The following CCDC181 variants were observed in gnomAD, a reference collection of about 807,000 sequenced individuals.
CCDC181 encodes coiled-coil domain containing 181.
A neutral mutation model predicts 58.7 loss-of-function variants in CCDC181; 35 were observed. The ratio of observed to expected loss-of-function variants is 0.60; its 90% CI spans 0.46 to 0.79. The LOEUF is 0.79. Ranked by LOEUF, CCDC181 falls within the 30% of genes least tolerant of loss-of-function variation. The pLI, the probability that CCDC181 is intolerant of heterozygous loss-of-function variation, is 0.00. For missense variants in CCDC181, 517 were observed against 583.9 expected (o/e 0.89, Z 1.18); for synonymous variants, 183 against 197.5 (o/e 0.93, Z 0.62).
intron 2 of CCDC181, among the ~76,000 whole-genome samples, chr1:169,423,490 A>T (rs938450769): frequency 6.6e-6 from 1 of 151,784 alleles, no homozygotes; most frequent in African/African-American, 2.4e-5. Context: ...TGACCCTCTT[A>T]TGTGTCTCTA....
intron 1 of CCDC181, chr1:169,459,905 G>GAAAAAACAAAAAAAAAAAA (rs1553210867): frequency 1.3e-5 from 1 of 75,184 alleles, no homozygotes; most frequent in Admixed American, 1.6e-4. Flanking sequence ...TTGAAATTAG[G>GAAAAAACAAAAAAAAAAAA]AAAAAAAAAA....
chr1:169,400,724 C>G (rs570953991), intron 4 of CCDC181, among the ~76,000 whole-genome samples: 36 of 152,220 alleles, frequency 2.4e-4, no homozygotes, highest in African/African-American at 8.2e-4. Flanking sequence ...AGGAACAGCT[C>G]CAGTCTATAG....
chr1:169,420,399 T>C (rs79100880), intron 3 of CCDC181, among the ~76,000 whole-genome samples: 1 of 37,744 alleles, frequency 2.6e-5, no homozygotes, highest in Non-Finnish European at 7.0e-5. Context: ...ATGTTTCACT[T>C]TTTTTTTTTT....
upstream of CCDC181, among the ~76,000 whole-genome samples, chr1:169,429,476 A>AT (rs957317171): frequency 5.3e-5 from 8 of 151,676 alleles, no homozygotes; most frequent in South Asian, 6.3e-4. Flanking sequence ...TGTTTTTTTT[A>AT]TTTTTTGCTT....
chr1:169,428,045 G>A (rs1656790878), upstream of CCDC181, among the ~76,000 whole-genome samples: 1 of 152,128 alleles, frequency 6.6e-6, no homozygotes, highest in Non-Finnish European at 1.5e-5. Context: ...ACTGGGAGAA[G>A]TAAAAATATT....
upstream of CCDC181, among the ~76,000 whole-genome samples, chr1:169,428,108 G>T (rs1000790923): frequency 6.6e-6 from 1 of 152,096 alleles, no homozygotes; most frequent in African/African-American, 2.4e-5. Context: ...TTATTATTAG[G>T]ATTTCTATCA....
intron 2 of CCDC181, among the ~76,000 whole-genome samples, chr1:169,449,294 G>A (rs868601835): frequency 6.6e-6 from 1 of 152,250 alleles, no homozygotes; most frequent in Non-Finnish European, 1.5e-5. Context: ...TTTTAATATG[G>A]CTAGGAGGTG....
chr1:169,455,343 T>C (rs895673084), intron 2 of CCDC181, among the ~76,000 whole-genome samples: 2 of 152,058 alleles, frequency 1.3e-5, no homozygotes, highest in Non-Finnish European at 2.9e-5. Context: ...TAAACAGTAA[T>C]TGTAGTGACT....
chr1:169,459,797 C>T (rs17518147), exon 2 of CCDC181: 13,192 of 149,084 alleles, frequency 0.088, 775 homozygotes, highest in Admixed American at 0.19. Flanking sequence ...TAGTACTGAC[C>T]TAGAATTTAA....
At chr1:169,417,380 G>A (rs1278594634) in intron 4 of CCDC181, among the ~76,000 whole-genome samples, 1 of 152,066 alleles carries the variant, frequency 6.6e-6, no homozygotes, top group African/African-American at 2.4e-5. Context: ...CACATAACTC[G>A]AGGAAACACA....
At chr1:169,432,919 T>C (rs1372083890) in intron 2 of CCDC181, among the ~76,000 whole-genome samples, 1 of 152,096 alleles carries the variant, frequency 6.6e-6, no homozygotes, top group Non-Finnish European at 1.5e-5. Context: ...GCTTTTCATC[T>C]AAGATCAGGT....
rs2102094021 is a variant in CCDC181 at position 169,422,286 on chromosome 1, T to G, written c.145A>C (p.Asn49His). Residue 49 changes from asparagine (N) to histidine (H), a missense_variant, in exon 3 of 6, where the codon AAC (asparagine) becomes CAC (histidine). Physicochemically the swap from Asn to His is moderately conservative, Grantham distance 68. Coordinates refer to ENST00000367806, the MANE Select transcript of CCDC181 (RefSeq NM_001300969.2). ...GTCTCATTCTCTTTTAAGTCTTGGT[T>G]AATATTCTCTTCCTTCTCACAAGCC... ...EMACEKEENI[N>H]QDLKENETVM... is the part of the protein sequence containing the mutation. 4 of 1,572,400 alleles carry G rather than the reference T, an allele frequency of 2.5e-6. No homozygotes were observed. The East Asian group carries it at 6.8e-5, about 27-fold the overall frequency.
intron 4 of CCDC181, among the ~76,000 whole-genome samples, chr1:169,404,867 A>G (rs543604098): frequency 6.6e-6 from 1 of 152,318 alleles, no homozygotes; most frequent in South Asian, 2.1e-4. Context: ...AGGAAGTCAA[A>G]TTGTCCCTGT....
chr1:169,415,133 G>A (rs573594282), intron 4 of CCDC181, among the ~76,000 whole-genome samples: 1 of 152,222 alleles, frequency 6.6e-6, no homozygotes, highest in Non-Finnish European at 1.5e-5. Flanking sequence ...ACAATTATGT[G>A]CAAATATTGC....
intron 3 of CCDC181, among the ~76,000 whole-genome samples, chr1:169,421,076 G>A (rs905963551): frequency 5.9e-5 from 9 of 152,034 alleles, no homozygotes; most frequent in South Asian, 2.1e-4. Context: ...GTCACTTAAC[G>A]TCTCATGAGT....
At position 169,418,431 on chromosome 1, in the gene CCDC181, G is replaced by C. The variant is rs552026659; in HGVS notation, c.1215+582C>G. 2.0e-5 allele frequency among the ~76,000 whole-genome samples: 3 copies of C among 151,890 alleles called. No homozygotes were observed. In the South Asian group the frequency reaches 6.2e-4, roughly 32 times the overall value. ...TAAGATATAAAAGGATTTGCACCAC[G>C]CTGTTAAAAGTGGTTATCACTGGAG... On this transcript the variant is annotated intron_variant, in intron 4 of 5. Transcript: ENST00000367806.
At chr1:169,434,381 C>CA (rs1202206897) in intron 2 of CCDC181, among the ~76,000 whole-genome samples, 1 of 151,788 alleles carries the variant, frequency 6.6e-6, no homozygotes, top group Non-Finnish European at 1.5e-5. Context: ...GGCAATTCCT[C>CA]AAAAAATTAA....
chr1:169,452,078 G>T (rs910611033), intron 2 of CCDC181, among the ~76,000 whole-genome samples: 3 of 151,942 alleles, frequency 2.0e-5, no homozygotes, highest in Admixed American at 2.0e-4. Context: ...GGGGCAGGGG[G>T]AAGACAGAGA....
chr1:169,396,085 A>C (rs1655016670), intron 5 of CCDC181: 1 of 152,204 alleles, frequency 6.6e-6, no homozygotes, highest in Non-Finnish European at 1.5e-5. Flanking sequence ...TTGCAGAAAT[A>C]CAGTATGATC....
Sources: allele counts gnomAD v4.1 joint callset (sites outside exome capture counted in the v4.1 genomes callset), GRCh38; gene constraint gnomAD v4.1.1; transcripts MANE v1.5; gene names NCBI Gene and HGNC (gene_info 2026-07-23, HGNC 2026-07-21).